The following RIN2 variants were observed in gnomAD, a reference collection of about 807,000 sequenced individuals.
The protein encoded by RIN2 is RAB5 interacting protein 2.
In RIN2, 36 loss-of-function variants were observed where a neutral mutation model predicts 78.0. That is an observed-to-expected ratio of 0.46 (90% CI 0.35 to 0.61). RIN2 has a LOEUF of 0.61. RIN2 is among the 20% of genes least tolerant of loss of function. The pLI, the probability that RIN2 is intolerant of heterozygous loss-of-function variation, is 0.00. For synonymous variants in RIN2, 466 were observed against 466.8 expected (o/e 1.00, Z 0.02); for missense variants, 1,087 against 1,159.7 (o/e 0.94, Z 0.91).
rs544173916 is a variant in RIN2 at position 19,896,890 on chromosome 20, C to T, written c.57+7232C>T. ...AATGTTAATAATATATTGTATTTGG[C>T]CTAATATATCAAAATATCATCATGT... is the stretch of plus-strand genomic sequence containing the variant. On this transcript the variant is annotated intron_variant, in intron 3 of 12. Coordinates refer to ENST00000255006, the MANE Select transcript of RIN2 (RefSeq NM_018993.4). Among the ~76,000 whole-genome samples, 4 of 151,986 alleles carry T rather than the reference C, an allele frequency of 2.6e-5. No homozygotes were observed. The South Asian group carries it at 8.3e-4, about 32-fold the overall frequency.
At chr20:19,900,499 C>T (rs6035470) in intron 3 of RIN2, among the ~76,000 whole-genome samples, 19,747 of 150,156 alleles carry the variant, frequency 0.13, 1,760 homozygotes, top group African/African-American at 0.26. Context: ...AAATAAAAAC[C>T]GTCCTAAAGT....
At position 19,975,108 on chromosome 20, in the gene RIN2, G is replaced by T. The variant is rs1250387316; in HGVS notation, c.1083G>T (p.Leu361=). ...TKPTPIPPPR[L]KKQASFLEAE... is the part of the protein sequence containing the mutation. ...CAACTCCCATCCCTCCACCCCGGCTGAAGAAGCAGGCTTCTTTTCTGGAAG... is the reference window on the plus strand; with the variant it reads ...CAACTCCCATCCCTCCACCCCGGCTTAAGAAGCAGGCTTCTTTTCTGGAAG... The change falls in exon 9 of 13, where the codon CTG becomes CTT. Residue 361 remains leucine, a synonymous_variant. Transcript: ENST00000255006. This position sits in a 1 kb window ranked among gnomAD's most constrained non-coding sequence, Gnocchi z 4.9. 1 of 1,613,476 alleles carries T rather than the reference G, an allele frequency of 6.2e-7. No homozygotes were observed. The highest frequency in any genetic ancestry group is 2.2e-5 in the East Asian group (1 of 44,866).
chr20:19,972,025 C>T (rs753786953), intron 8 of RIN2, among the ~76,000 whole-genome samples: 14 of 152,072 alleles, frequency 9.2e-5, no homozygotes, highest in Non-Finnish European at 1.8e-4. Context: ...TACAGGCGTG[C>T]GCCACTGTGC....
chr20:19,985,573 A>G (rs998964714), intron 9 of RIN2, among the ~76,000 whole-genome samples: 1 of 152,196 alleles, frequency 6.6e-6, no homozygotes, highest in Non-Finnish European at 1.5e-5. Context: ...CTAGAAAAAT[A>G]GAAAAGAAAT....
intron 2 of RIN2, among the ~76,000 whole-genome samples, chr20:19,812,247 G>C (rs6035445): frequency 0.31 from 47,519 of 151,804 alleles, 7,866 homozygotes; most frequent in African/African-American, 0.43. Flanking sequence ...TGGAATTTCT[G>C]GGTGATGTGT....
intron 2 of RIN2, among the ~76,000 whole-genome samples, chr20:19,874,674 A>C (rs1335944982): frequency 6.6e-6 from 1 of 152,108 alleles, no homozygotes; most frequent in Non-Finnish European, 1.5e-5. Flanking sequence ...CTTCTCTCAG[A>C]GTTGGCTTCC....
intron 2 of RIN2, among the ~76,000 whole-genome samples, chr20:19,867,170 C>A (rs2037535752): frequency 6.6e-6 from 1 of 152,110 alleles, no homozygotes; most frequent in Non-Finnish European, 1.5e-5. Context: ...TTTTACCTCT[C>A]ACTCCACACA....
At chr20:19,785,770 C>T (rs1197864783) in intron 1 of RIN2, among the ~76,000 whole-genome samples, 2 of 152,192 alleles carry the variant, frequency 1.3e-5, no homozygotes, top group African/African-American at 4.8e-5. Context: ...GAGCTTCATT[C>T]TCCTTGGTAA....
chr20:19,842,387 CTTTTTTTTTTTT>C (rs139642869), intron 2 of RIN2, among the ~76,000 whole-genome samples: 4,814 of 46,320 alleles, frequency 0.1, 224 homozygotes, highest in South Asian at 0.25. Flanking sequence ...CCATCCCTGG[CTTTTTTTTTTTT>C]TTTTTTTTTT....
intron 9 of RIN2, among the ~76,000 whole-genome samples, chr20:19,983,093 G>T (rs541528751): frequency 6.6e-6 from 1 of 152,240 alleles, no homozygotes; most frequent in African/African-American, 2.4e-5. Context: ...AAGACAAATG[G>T]GGATTATGCA....
intron 2 of RIN2, among the ~76,000 whole-genome samples, chr20:19,854,847 C>G (rs1161313474): frequency 2.0e-5 from 3 of 152,170 alleles, no homozygotes; most frequent in African/African-American, 2.4e-5. Context: ...TTGACTTCCT[C>G]TTTTCCTAAT....
chr20:19,827,358 A>C (rs967605494), intron 2 of RIN2, among the ~76,000 whole-genome samples: 1 of 152,220 alleles, frequency 6.6e-6, no homozygotes, highest in African/African-American at 2.4e-5. Flanking sequence ...TGGGAAACCC[A>C]AACTGGACCC....
At chr20:19,764,565 T>C (rs1241520471) in intron 1 of RIN2, among the ~76,000 whole-genome samples, 1 of 152,276 alleles carries the variant, frequency 6.6e-6, no homozygotes, top group Non-Finnish European at 1.5e-5. Flanking sequence ...GCTTCAGCGA[T>C]ACACATTTTG....
intron 1 of RIN2, among the ~76,000 whole-genome samples, chr20:19,768,825 T>A (rs934383540): frequency 6.6e-6 from 1 of 152,166 alleles, no homozygotes; most frequent in Non-Finnish European, 1.5e-5. Flanking sequence ...TGGTGCTGAT[T>A]TTTATGCCTT....
intron 3 of RIN2, among the ~76,000 whole-genome samples, chr20:19,895,491 C>T (rs2038680544): frequency 6.6e-6 from 1 of 152,110 alleles, no homozygotes; most frequent in Admixed American, 6.5e-5. Flanking sequence ...GCCTCTGGGA[C>T]AGGGTGAGAG....
At chr20:19,785,711 A>G (rs1254152390) in intron 1 of RIN2, among the ~76,000 whole-genome samples, 1 of 152,182 alleles carries the variant, frequency 6.6e-6, no homozygotes, top group East Asian at 1.9e-4. Flanking sequence ...GAAATACCCA[A>G]ATACTTTCCC....
chr20:19,838,916 C>G (rs772056730), intron 2 of RIN2, among the ~76,000 whole-genome samples: 13 of 152,276 alleles, frequency 8.5e-5, no homozygotes, highest in Non-Finnish European at 1.8e-4. Flanking sequence ...AACCTCCACC[C>G]AGTGGCCTGA....
intron 1 of RIN2, among the ~76,000 whole-genome samples, chr20:19,781,809 T>G (rs1357970852): frequency 6.6e-6 from 1 of 151,792 alleles, no homozygotes; most frequent in African/African-American, 2.4e-5. Flanking sequence ...AAGAAAAGTA[T>G]TTCCAGGTAT....
intron 2 of RIN2, among the ~76,000 whole-genome samples, chr20:19,827,810 CTTTTTTT>C (rs34007899): frequency 7.2e-6 from 1 of 138,396 alleles, no homozygotes; most frequent in African/African-American, 2.7e-5. Flanking sequence ...TTCTTTTTTT[CTTTTTTT>C]TTTTTTTTGC....
Sources: gnomAD v4.1 joint callset for allele counts (sites outside exome capture counted in the v4.1 genomes callset) on GRCh38, gnomAD v4.1.1 for gene constraint, Gnocchi (gnomAD v3.1) non-coding constraint, MANE v1.5 for transcripts, NCBI Gene and HGNC (gene_info 2026-07-23, HGNC 2026-07-21) for gene names.